Variants in GPR160 observed in about 807,000 individuals in gnomAD.
GPR160 encodes the protein probable G protein-coupled receptor 160.
A neutral mutation model predicts 2.6 loss-of-function variants in GPR160; 2 were observed. That is an observed-to-expected ratio of 0.77 (90% CI 0.32 to 2.44). The LOEUF (loss-of-function observed/expected upper bound fraction) is 2.44. GPR160 is among the 30% of genes most tolerant of loss of function. The pLI, the probability that GPR160 is intolerant of heterozygous loss-of-function variation, is 0.11. For missense variants in GPR160, 351 were observed against 383.6 expected (o/e 0.91, Z 0.71); for synonymous variants, 130 against 132.2 (o/e 0.98, Z 0.12).
intron 2 of GPR160, among the ~76,000 whole-genome samples, chr3:170,049,020 T>C (rs1401410531): frequency 6.6e-6 from 1 of 152,212 alleles, no homozygotes; most frequent in East Asian, 1.9e-4. Context: ...TGAATATACG[T>C]ACATTTTTCC....
chr3:170,063,789 C>A (rs1712127685), intron 2 of GPR160, among the ~76,000 whole-genome samples: 2 of 152,112 alleles, frequency 1.3e-5, no homozygotes, highest in African/African-American at 4.8e-5. Flanking sequence ...AAAGATTGGG[C>A]AGTAAGCTTG....
intron 2 of GPR160, among the ~76,000 whole-genome samples, chr3:170,066,469 G>A (rs1179546476): frequency 1.3e-5 from 2 of 151,982 alleles, no homozygotes; most frequent in Admixed American, 6.6e-5. Flanking sequence ...CAAATCATGT[G>A]TATTTCTTGC....
chr3:170,045,422 A>C (rs1716671065), intron 2 of GPR160, among the ~76,000 whole-genome samples: 8 of 117,258 alleles, frequency 6.8e-5, no homozygotes, highest in African/African-American at 2.8e-4. Flanking sequence ...AAAAAAAAAA[A>C]AAAAAAAAAA....
intron 2 of GPR160, among the ~76,000 whole-genome samples, chr3:170,061,656 A>G (rs899558013): frequency 1.2e-4 from 19 of 152,214 alleles, no homozygotes; most frequent in African/African-American, 4.6e-4. Flanking sequence ...ATAAGACCAC[A>G]CTAAGATAAC....
At chr3:170,081,649 C>G (rs542320753) in intron 3 of GPR160, among the ~76,000 whole-genome samples, 86 of 152,116 alleles carry the variant, frequency 5.7e-4, no homozygotes, top group Non-Finnish European at 9.4e-4. Context: ...GGGTGGTTTT[C>G]TGCACAGATT....
intron 2 of GPR160, among the ~76,000 whole-genome samples, chr3:170,063,727 G>T (rs1712124121): frequency 6.6e-6 from 1 of 152,118 alleles, no homozygotes; most frequent in South Asian, 2.1e-4. Flanking sequence ...CCAAGCTCTT[G>T]TTCTCCTAAC....
intron 2 of GPR160, chr3:170,077,488 G>C (rs755906854): frequency 6.6e-6 from 1 of 152,176 alleles, no homozygotes; most frequent in East Asian, 1.9e-4. Flanking sequence ...AAGGCTTCAG[G>C]GGAGAATAAG....
intron 2 of GPR160, among the ~76,000 whole-genome samples, chr3:170,042,643 C>G (rs1176629065): frequency 1.4e-5 from 2 of 141,968 alleles, no homozygotes; most frequent in African/African-American, 5.1e-5. Context: ...GCCTGGGCAA[C>G]ATAGTGAGGC....
rs1475993969 is a variant in GPR160 at position 170,084,758 on chromosome 3, T to A, written c.786T>A (p.Ile262=). ...WLPFVLLQVI[I]VLLKVQIPAY... ...CATTTGTACTACTTCAGGTAATCATTGTTTTACTTAAAGTTCAGATTCCAG... is the reference window on the plus strand; with the variant it reads ...CATTTGTACTACTTCAGGTAATCATAGTTTTACTTAAAGTTCAGATTCCAG... The change falls in exon 4 of 4, where the codon ATT becomes ATA. Residue 262 remains isoleucine, a synonymous_variant. Transcript: ENST00000355897. 1 of 1,608,236 alleles carries A rather than the reference T, an allele frequency of 6.2e-7. No individual in the cohort carries two copies. Among genetic ancestry groups the A allele is most frequent in the African/African-American group, 1.3e-5 (1 of 74,958 alleles).
chr3:170,081,781 T>A (rs149561364), intron 3 of GPR160, among the ~76,000 whole-genome samples: 1,853 of 152,290 alleles, frequency 0.012, 40 homozygotes, highest in African/African-American at 0.042. Flanking sequence ...TGTGTCCATG[T>A]GTTCTCATCA....
intron 2 of GPR160, among the ~76,000 whole-genome samples, chr3:170,054,389 C>T (rs1159983698): frequency 2.0e-5 from 3 of 152,094 alleles, no homozygotes. Context: ...AAGCAGACAG[C>T]AGGGGCTAAG....
intron 2 of GPR160, among the ~76,000 whole-genome samples, chr3:170,059,619 G>T (rs761040844): frequency 6.6e-6 from 1 of 151,986 alleles, no homozygotes; most frequent in Non-Finnish European, 1.5e-5. Flanking sequence ...CTTCCTGCTG[G>T]GACCCTTCCT....
intron 2 of GPR160, among the ~76,000 whole-genome samples, chr3:170,076,572 C>T (rs1280544642): frequency 6.6e-6 from 1 of 151,482 alleles, no homozygotes; most frequent in Non-Finnish European, 1.5e-5. Flanking sequence ...ATAACTGTGT[C>T]TCACTCTGTT....
At chr3:170,049,193 A>G (rs1716854436) in intron 2 of GPR160, among the ~76,000 whole-genome samples, 1 of 152,198 alleles carries the variant, frequency 6.6e-6, no homozygotes, top group Admixed American at 6.5e-5. Context: ...AAGCCCTGCT[A>G]CACACAGCTT....
chr3:170,047,615 C>G (rs1273229226), intron 2 of GPR160, among the ~76,000 whole-genome samples: 4 of 152,052 alleles, frequency 2.6e-5, no homozygotes, highest in Non-Finnish European at 5.9e-5. Flanking sequence ...TTTATCATAG[C>G]ACAATTCACA....
chr3:170,043,305 C>A (rs1415298724), intron 2 of GPR160, among the ~76,000 whole-genome samples: 3 of 152,166 alleles, frequency 2.0e-5, no homozygotes, highest in African/African-American at 4.8e-5. Flanking sequence ...CCTCAGCCTT[C>A]CACGTAGCTG....
chr3:170,048,887 G>T (rs966502665), intron 2 of GPR160, among the ~76,000 whole-genome samples: 2 of 152,138 alleles, frequency 1.3e-5, no homozygotes, highest in African/African-American at 4.8e-5. Context: ...GCTCAGGCCT[G>T]CCCCAGACAT....
At chr3:170,078,185 G>A (rs1712959954) in intron 2 of GPR160, among the ~76,000 whole-genome samples, 2 of 152,336 alleles carry the variant, frequency 1.3e-5, no homozygotes, top group South Asian at 4.1e-4. Flanking sequence ...CTGGGAGCAA[G>A]TGGGAAGAAA....
intron 2 of GPR160, among the ~76,000 whole-genome samples, chr3:170,076,016 T>C (rs879538443): frequency 9.2e-5 from 14 of 152,228 alleles, no homozygotes; most frequent in African/African-American, 3.1e-4. Context: ...CAAGAATCTC[T>C]CACTAGTTGT....
Sources: allele counts gnomAD v4.1 joint callset (sites outside exome capture counted in the v4.1 genomes callset), GRCh38; gene constraint gnomAD v4.1.1; transcripts MANE v1.5; gene names NCBI Gene and HGNC (gene_info 2026-07-23, HGNC 2026-07-21).